KIAA1328: variants seen among roughly 807,000 people sequenced by gnomAD.
KIAA1328 encodes the protein KIAA1328.
Under a neutral mutation model 68.1 loss-of-function variants are expected in KIAA1328, and 52 were observed. That is an observed-to-expected ratio of 0.76 (90% CI 0.61 to 0.96). KIAA1328 has a LOEUF of 0.96. Ranked by LOEUF, KIAA1328 falls within the 40% of genes least tolerant of loss-of-function variation. The pLI is 0.00. For missense variants in KIAA1328, 641 were observed against 677.6 expected (o/e 0.95, Z 0.60); for synonymous variants, 232 against 239.4 (o/e 0.97, Z 0.28).
chr18:37,124,718 C>G (rs993880720), intron 7 of KIAA1328, among the ~76,000 whole-genome samples: 6 of 152,174 alleles, frequency 3.9e-5, no homozygotes, highest in Non-Finnish European at 2.9e-5. Context: ...AACTGCCATT[C>G]TGGCTCAGAA....
intron 5 of KIAA1328, among the ~76,000 whole-genome samples, chr18:36,935,049 A>C (rs991355337): frequency 3.3e-5 from 5 of 152,238 alleles, no homozygotes; most frequent in Non-Finnish European, 2.9e-5. Flanking sequence ...AAACCCTGGG[A>C]AAGTTACAGC....
intron 5 of KIAA1328, among the ~76,000 whole-genome samples, chr18:36,928,050 G>A (rs1306611495): frequency 1.3e-5 from 2 of 152,166 alleles, no homozygotes; most frequent in African/African-American, 4.8e-5. Flanking sequence ...AGAAAGAAAT[G>A]TGTAATCTGT....
chr18:36,979,019 C>T (rs1026019688), intron 6 of KIAA1328, among the ~76,000 whole-genome samples: 1 of 151,962 alleles, frequency 6.6e-6, no homozygotes, highest in Non-Finnish European at 1.5e-5. Context: ...AATAGCTGGG[C>T]ATGGTGGTAC....
chr18:37,099,592 T>C lies in KIAA1328; in HGVS notation c.1232+32047T>C, dbSNP rs559578060. Among the ~76,000 whole-genome samples, 523 of 152,266 alleles carry C rather than the reference T, an allele frequency of 3.4e-3. 4 individuals are homozygous for C. Among genetic ancestry groups the C allele is most frequent in the Middle Eastern group, 6.8e-3 (2 of 294 alleles). Reference sequence around the variant, plus strand: ...GAGTTCTGTAGATGTCTATTAGGTCTGCTTGGTGCAGAGCTGAGTTCAATT... The same window carrying C: ...GAGTTCTGTAGATGTCTATTAGGTCCGCTTGGTGCAGAGCTGAGTTCAATT... On this transcript the variant is annotated intron_variant, in intron 7 of 9. Coordinates refer to ENST00000280020, the MANE Select transcript of KIAA1328 (RefSeq NM_020776.3).
chr18:37,004,714 A>G (rs912620363), intron 6 of KIAA1328, among the ~76,000 whole-genome samples: 1 of 152,162 alleles, frequency 6.6e-6, no homozygotes, highest in Non-Finnish European at 1.5e-5. Flanking sequence ...AACTAAAAGT[A>G]GAACTACCAT....
At chr18:36,962,808 C>T (rs1317495723) in intron 6 of KIAA1328, among the ~76,000 whole-genome samples, 1 of 152,172 alleles carries the variant, frequency 6.6e-6, no homozygotes, top group Non-Finnish European at 1.5e-5. Context: ...CTCTGGGACA[C>T]ATTTAAAGCA....
chr18:37,192,845 T>C (rs559128417), intron 9 of KIAA1328, among the ~76,000 whole-genome samples: 2 of 152,342 alleles, frequency 1.3e-5, no homozygotes, highest in East Asian at 3.9e-4. Context: ...TTCCCAGTAT[T>C]TGGAAGTACA....
rs79969422 is a variant in KIAA1328, at chr18:37,093,249, G to A, written c.1232+25704G>A. 6.5e-3 allele frequency among the ~76,000 whole-genome samples: 991 copies of A among 152,238 alleles called. 14 individuals carry two copies. The highest frequency in any genetic ancestry group is 0.022 in the African/African-American group (920 of 41,544). On this transcript the variant is annotated intron_variant, in intron 7 of 9. Transcript: ENST00000280020. ...GACACAAGAAATGTGAAAAAGCAAG[G>A]TAACATAACATCTTCAAATGAGCAC...
intron 6 of KIAA1328, among the ~76,000 whole-genome samples, chr18:36,971,930 A>T (rs1313878139): frequency 6.6e-6 from 1 of 152,186 alleles, no homozygotes; most frequent in Non-Finnish European, 1.5e-5. Context: ...CTGGGTAATG[A>T]AATAATCTGT....
chr18:37,033,065 T>A (rs1003071440), intron 6 of KIAA1328, among the ~76,000 whole-genome samples: 2 of 152,262 alleles, frequency 1.3e-5, no homozygotes, highest in African/African-American at 4.8e-5. Flanking sequence ...ATGATAATGA[T>A]GTGCTTGATG....
chr18:36,900,012 A>G (rs960366324), intron 5 of KIAA1328, among the ~76,000 whole-genome samples: 4 of 151,920 alleles, frequency 2.6e-5, no homozygotes, highest in East Asian at 1.9e-4. Flanking sequence ...GTAGAATACA[A>G]TGGGATTTCT....
intron 7 of KIAA1328, among the ~76,000 whole-genome samples, chr18:37,084,883 A>G (rs1048928240): frequency 3.9e-5 from 6 of 152,164 alleles, no homozygotes; most frequent in Admixed American, 3.3e-4. Context: ...GTCTGCAACA[A>G]TCAATCTGGA....
At chr18:37,161,013 G>A (rs1218932510) in intron 8 of KIAA1328, among the ~76,000 whole-genome samples, 4 of 152,108 alleles carry the variant, frequency 2.6e-5, no homozygotes, top group South Asian at 4.1e-4. Context: ...TTAAAGGAAC[G>A]ACTTTGGAAA....
chr18:37,154,831 G>A (rs2059119483), intron 7 of KIAA1328, among the ~76,000 whole-genome samples: 1 of 152,136 alleles, frequency 6.6e-6, no homozygotes, highest in Admixed American at 6.6e-5. Flanking sequence ...TTACCTTAAA[G>A]GGATATCTAA....
intron 6 of KIAA1328, among the ~76,000 whole-genome samples, chr18:36,981,113 G>A (rs1404176664): frequency 6.6e-6 from 1 of 152,110 alleles, no homozygotes; most frequent in Non-Finnish European, 1.5e-5. Context: ...ATAATGCCTG[G>A]GAATAGTGCT....
In KIAA1328 at chr18:37,224,416, A is replaced by G; in HGVS notation, c.*2189A>G. On this transcript the variant is annotated 3_prime_UTR_variant, in exon 10 of 10. Coordinates refer to ENST00000280020, the MANE Select transcript of KIAA1328 (RefSeq NM_020776.3). ...TTTGGAAAAGCAGAGATGGGCTTTC[A>G]GCAGAATATCAACCAATACATTTTT... The G allele has an allele frequency of 1.0e-6, 1 of 985,440 alleles. No individual in the cohort carries two copies. Among genetic ancestry groups the G allele is most frequent in the Non-Finnish European group, 1.2e-6 (1 of 829,938 alleles). 61.0% of individuals were successfully genotyped at this position (985,440 alleles called of 1,614,324 possible). A position where few individuals can be genotyped will look rare whatever the true frequency, so the allele number is the denominator to read the frequency against.
intron 7 of KIAA1328, among the ~76,000 whole-genome samples, chr18:37,114,502 T>A (rs560295722): frequency 6.6e-6 from 1 of 152,152 alleles, no homozygotes; most frequent in Non-Finnish European, 1.5e-5. Context: ...TGGGACACAT[T>A]TAAAGCAGTG....
intron 5 of KIAA1328, among the ~76,000 whole-genome samples, chr18:36,934,481 C>T (rs1238800466): frequency 6.6e-6 from 1 of 151,186 alleles, no homozygotes; most frequent in East Asian, 2.0e-4. Context: ...CCACAACAGT[C>T]CCCAGAGTGT....
chr18:36,897,016 G>A (rs1395388447), intron 5 of KIAA1328, among the ~76,000 whole-genome samples: 2 of 151,978 alleles, frequency 1.3e-5, no homozygotes, highest in Non-Finnish European at 2.9e-5. Flanking sequence ...GACTTATGCA[G>A]TAACATTAAA....
Sources: gnomAD v4.1 joint callset for allele counts (sites outside exome capture counted in the v4.1 genomes callset) on GRCh38, gnomAD v4.1.1 for gene constraint, MANE v1.5 for transcripts, NCBI Gene and HGNC (gene_info 2026-07-23, HGNC 2026-07-21) for gene names.